MOCOS: variants seen among roughly 807,000 people sequenced by gnomAD.
The protein encoded by MOCOS is molybdenum cofactor sulfurase, also known as human molybdenum cofactor sulfurase.
MOCOS carries 86 observed loss-of-function variants against 83.6 expected under a neutral mutation model. That is an observed-to-expected ratio of 1.03 (90% CI 0.86 to 1.23). The LOEUF is 1.23. MOCOS is among the 50% of genes most tolerant of loss of function. The pLI, the probability that MOCOS is intolerant of heterozygous loss-of-function variation, is 0.00. For missense variants in MOCOS, 1,120 were observed against 1,126.9 expected (o/e 0.99, Z 0.09); for synonymous variants, 445 against 434.7 (o/e 1.02, Z -0.29).
chr18:36,204,098 AT>A (rs1248941520), intron 5 of MOCOS, among the ~76,000 whole-genome samples: 1 of 152,186 alleles, frequency 6.6e-6, no homozygotes, highest in Non-Finnish European at 1.5e-5. Context: ...AAAACTTACC[AT>A]TTTAACTATT....
At chr18:36,248,843 A>G (rs912915114) in intron 9 of MOCOS, 79 bp from the exon 10 acceptor site, 28 of 1,217,322 alleles carry the variant, frequency 2.3e-5, no homozygotes, top group Non-Finnish European at 3.1e-5. Context: ...TGGTTACTAC[A>G]GCTTTGTAGT....
At chr18:36,205,018 A>AATTT in intron 5 of MOCOS, 59 bp from the exon 6 acceptor site, 1 of 1,068,988 alleles carries the variant, frequency 9.4e-7, no homozygotes, top group Non-Finnish European at 1.4e-6. Context: ...AAAAAAAAAG[A>AATTT]GTGAATTGAG....
At chr18:36,266,641 G>A (rs2091682810) in intron 13 of MOCOS, 108 bp from the exon 14 acceptor site, 1 of 904,766 alleles carries the variant, frequency 1.1e-6, no homozygotes, top group South Asian at 1.4e-5. Flanking sequence ...GCCACGTTCT[G>A]GCTCTCCATA....
intron 6 of MOCOS, among the ~76,000 whole-genome samples, chr18:36,207,589 A>G (rs1300222654): frequency 6.6e-6 from 1 of 152,108 alleles, no homozygotes; most frequent in Non-Finnish European, 1.5e-5. Context: ...GGCTGCATGT[A>G]TGTCATCTTT....
At position 36,271,718 on chromosome 18, in the gene MOCOS, A is replaced by G. The variant is rs1348061766; in HGVS notation, c.*3033A>G. On this transcript the variant is annotated 3_prime_UTR_variant, in exon 15 of 15. Transcript: ENST00000261326. ...CATTCGCGTCATGGTCCTTTTAGCC[A>G]GAAGAGAGGTTTTCTTTTGCATAGT... 6.6e-6 allele frequency: 1 copy of G among 152,194 alleles called. No individual in the cohort carries two copies. The highest frequency in any genetic ancestry group is 1.5e-5 in the Non-Finnish European group (1 of 68,030). 9.4% of individuals were successfully genotyped at this position (152,194 alleles called of 1,614,324 possible).
intron 9 of MOCOS, among the ~76,000 whole-genome samples, chr18:36,244,073 T>C (rs1051301240): frequency 1.3e-5 from 2 of 152,096 alleles, no homozygotes; most frequent in African/African-American, 4.8e-5. Flanking sequence ...ACCAGCTTTT[T>C]GTTCTATTTA....
Position 36,215,988 on chromosome 18 carries a change from T to G in MOCOS, c.1797+11T>G. ...TGTGCTGCATTTGAGGTAAGGAATT[T>G]CACAGCAGCACAGAAAGTCTTCTCT... On this transcript the variant is annotated intron_variant, in intron 8 of 14. Coordinates refer to ENST00000261326, the MANE Select transcript of MOCOS (RefSeq NM_017947.4). 6.2e-7 allele frequency: 1 copy of G among 1,606,040 alleles called. No individual in the cohort carries two copies. The highest frequency in any genetic ancestry group is 8.5e-7 in the Non-Finnish European group (1 of 1,175,666).
Position 36,215,896 on chromosome 18 carries a change from A to G in MOCOS, c.1716A>G (p.Ala572=), listed in dbSNP as rs1276049773. Residue 572 remains alanine (A), a synonymous_variant, in exon 8 of 15, where the codon GCA becomes GCG. Coordinates refer to ENST00000261326, the MANE Select transcript of MOCOS (RefSeq NM_017947.4). ...AGCCGACTCCTTCAGAGAAAGCTGC[A>G]GGAGTCCTGGAGGGGGCCCTTGGGC... ...RTQPTPSEKA[A]GVLEGALGPH... is the part of the protein sequence containing the mutation. 6.2e-7 allele frequency: 1 copy of G among 1,614,086 alleles called. No individual in the cohort carries two copies. The highest frequency in any genetic ancestry group is 8.5e-7 in the Non-Finnish European group (1 of 1,179,934).
At chr18:36,234,819 A>G (rs1598584559) in intron 9 of MOCOS, among the ~76,000 whole-genome samples, 2 of 152,192 alleles carry the variant, frequency 1.3e-5, no homozygotes, top group African/African-American at 4.8e-5. Context: ...GTGGAAGGCA[A>G]AGGGAAATGA....
At chr18:36,216,466 A>G (rs1490826758) in intron 8 of MOCOS, among the ~76,000 whole-genome samples, 1 of 152,220 alleles carries the variant, frequency 6.6e-6, no homozygotes, top group Non-Finnish European at 1.5e-5. Flanking sequence ...ATGTACATCA[A>G]AATAAGTACT....
chr18:36,245,966 C>A (rs995498587), intron 9 of MOCOS, among the ~76,000 whole-genome samples: 1 of 152,126 alleles, frequency 6.6e-6, no homozygotes, highest in East Asian at 1.9e-4. Context: ...TCTTTCATTT[C>A]CAGAAGTTGT....
intron 8 of MOCOS, among the ~76,000 whole-genome samples, chr18:36,217,257 C>T: frequency 6.6e-6 from 1 of 152,096 alleles, no homozygotes; most frequent in Non-Finnish European, 1.5e-5. Flanking sequence ...CATTATTTTG[C>T]AACTTATTCT....
chr18:36,258,293 C>G (rs2091650191), intron 12 of MOCOS, among the ~76,000 whole-genome samples: 1 of 152,190 alleles, frequency 6.6e-6, no homozygotes, highest in Admixed American at 6.5e-5. Flanking sequence ...AGGTATTTCT[C>G]TGTGCTTTAT....
chr18:36,213,402 C>G lies in MOCOS; in HGVS notation c.1255C>G (p.Arg419Gly). 1.9e-6 allele frequency: 3 copies of G among 1,614,098 alleles called. No individual in the cohort carries two copies. Among genetic ancestry groups the G allele is most frequent in the African/African-American group, 1.3e-5 (1 of 75,040 alleles). The change falls in exon 7 of 15, where the codon CGA (arginine) becomes GGA (glycine). Residue 419 changes from arginine (R) to glycine (G), a missense_variant. Arg to Gly is a moderately radical substitution (Grantham distance 125, BLOSUM62 -2). Transcript: ENST00000261326. Reference protein sequence around the residue: ...KMASLYNIHLRTGCFCNTGAC... With the variant: ...KMASLYNIHLGTGCFCNTGAC... ...GGCCAGTCTTTACAACATCCACCTG[C>G]GAACTGGCTGCTTCTGTAACACTGG...
At chr18:36,262,099 C>A (rs987446869) in intron 13 of MOCOS, among the ~76,000 whole-genome samples, 1 of 151,966 alleles carries the variant, frequency 6.6e-6, no homozygotes, top group Non-Finnish European at 1.5e-5. Context: ...CTTAATAGAC[C>A]ACAACTAGTA....
intron 9 of MOCOS, among the ~76,000 whole-genome samples, chr18:36,225,167 T>G (rs1337958504): frequency 6.6e-6 from 1 of 152,202 alleles, no homozygotes; most frequent in African/African-American, 2.4e-5. Flanking sequence ...GTTTGTTTGT[T>G]TTTGAGACGG....
At chr18:36,216,574 C>A (rs1488162502) in intron 8 of MOCOS, among the ~76,000 whole-genome samples, 2 of 152,042 alleles carry the variant, frequency 1.3e-5, no homozygotes, top group Admixed American at 6.6e-5. Flanking sequence ...GAAGCTCAAC[C>A]CTACTATAGA....
In MOCOS at chr18:36,268,533, G is replaced by T. The variant is rs1424715349; in HGVS notation, c.2515G>T (p.Val839Leu). 6.2e-7 allele frequency: 1 copy of T among 1,614,050 alleles called. No homozygotes were observed. The highest frequency in any genetic ancestry group is 1.1e-5 in the South Asian group (1 of 91,080). The change falls in exon 15 of 15, where the codon GTG (valine) becomes TTG (leucine). Residue 839 changes from valine (V) to leucine (L), a missense_variant and splice_region_variant. By Grantham distance (32) the Val-to-Leu change is conservative (BLOSUM62 1). Coordinates refer to ENST00000261326, the MANE Select transcript of MOCOS (RefSeq NM_017947.4). ...QKLSESRETK[V>L]NFGMYLMHAS... ...GTTGTTGTTGCTGTTTTGTTCACAG[G>T]TGAACTTTGGCATGTACCTGATGCA...
At chr18:36,263,127 A>T (rs899188322) in intron 13 of MOCOS, among the ~76,000 whole-genome samples, 49 of 152,196 alleles carry the variant, frequency 3.2e-4, no homozygotes, top group African/African-American at 1.2e-3. Flanking sequence ...GCAAATGCTC[A>T]AAAGATGTTT....
Sources: gnomAD v4.1 joint callset for allele counts (sites outside exome capture counted in the v4.1 genomes callset) on GRCh38, gnomAD v4.1.1 for gene constraint, MANE v1.5 for transcripts, NCBI Gene and HGNC (gene_info 2026-07-23, HGNC 2026-07-21) for gene names.